DTNBP1: variants seen among roughly 807,000 people sequenced by gnomAD.
DTNBP1 encodes dystrobrevin binding protein 1.
DTNBP1 carries 35 observed loss-of-function variants against 42.8 expected under a neutral mutation model. The ratio of observed to expected loss-of-function variants is 0.82; its 90% CI spans 0.63 to 1.09. The LOEUF (loss-of-function observed/expected upper bound fraction) is 1.09. DTNBP1 is among the 50% of genes least tolerant of loss of function. The pLI, the probability that DTNBP1 is intolerant of heterozygous loss-of-function variation, is 0.00. For synonymous variants in DTNBP1, 171 were observed against 162.2 expected, an observed-to-expected ratio of 1.05 and a Z score of -0.41; for missense variants, 457 against 424.2, an observed-to-expected ratio of 1.08 and a Z score of -0.68.
chr6:15,643,960 C>T (rs1240107259), intron 3 of DTNBP1, among the ~76,000 whole-genome samples: 8 of 152,002 alleles, frequency 5.3e-5, no homozygotes, highest in Non-Finnish European at 1.2e-4. Flanking sequence ...AGGAAACAGC[C>T]TAAATCCTCC....
chr6:15,577,658 T>G (rs1775638822), intron 7 of DTNBP1, among the ~76,000 whole-genome samples: 1 of 152,120 alleles, frequency 6.6e-6, no homozygotes, highest in South Asian at 2.1e-4. Context: ...CAGGTTGAGT[T>G]TAAGATGCCA....
intron 9 of DTNBP1, chr6:15,523,728 G>C: frequency 7.8e-7 from 1 of 1,287,204 alleles, no homozygotes; most frequent in South Asian, 1.2e-5. Context: ...CCCTGACTCT[G>C]GGTGAGGGTT....
rs1257531315 is a variant in DTNBP1 at position 15,529,848 on chromosome 6, C to T, written c.667+3392G>A. ...CCTGGGCTAGGGCCTTACAAAACAT[C>T]TAATTATATCCTAACGGCATGGAGA... On this transcript the variant is annotated intron_variant, in intron 8 of 9. Transcript: ENST00000344537. Among the ~76,000 whole-genome samples the T allele has an allele frequency of 4.8e-4, 73 of 152,264 alleles. 1 individual carries two copies. Among genetic ancestry groups the T allele is most frequent in the Admixed American group, 4.8e-3 (73 of 15,294 alleles).
intron 7 of DTNBP1, chr6:15,586,157 G>T: frequency 1.9e-6 from 1 of 525,530 alleles, no homozygotes; most frequent in Non-Finnish European, 2.5e-6. Flanking sequence ...ATGAAATCTT[G>T]CTGTTTGAAA....
At chr6:15,554,545 C>T (rs768316621) in intron 7 of DTNBP1, among the ~76,000 whole-genome samples, 14 of 152,136 alleles carry the variant, frequency 9.2e-5, no homozygotes, top group Non-Finnish European at 1.6e-4. Flanking sequence ...GTAGGGTGGC[C>T]ATCCTGACAA....
At position 15,607,010 on chromosome 6, in the gene DTNBP1, AT is replaced by A. The variant is rs3045755; in HGVS notation, c.488+8256del. On this transcript the variant is annotated intron_variant, in intron 6 of 9. Coordinates refer to ENST00000344537, the MANE Select transcript of DTNBP1 (RefSeq NM_032122.5). ...TTGTGAAATGCTGAGTCAAAAAAAA[AT>A]TTTTTTTTTTTTTTTTTGAGACAGA... Among the ~76,000 whole-genome samples, 294 of 138,036 alleles carry A rather than the reference AT, an allele frequency of 2.1e-3. 1 individual carries two copies. The highest frequency in any genetic ancestry group is 3.1e-3 in the African/African-American group (112 of 36,580). 90.6% of individuals were successfully genotyped at this position (138,036 alleles called of 152,430 possible).
intron 7 of DTNBP1, among the ~76,000 whole-genome samples, chr6:15,553,850 A>G (rs1170169206): frequency 6.6e-6 from 1 of 152,148 alleles, no homozygotes; most frequent in Non-Finnish European, 1.5e-5. Context: ...AGAAAACTGC[A>G]GAAACAGGAG....
chr6:15,635,453 T>C (rs1170871378), intron 4 of DTNBP1, among the ~76,000 whole-genome samples: 3 of 152,190 alleles, frequency 2.0e-5, no homozygotes, highest in African/African-American at 4.8e-5. Context: ...TGTCTAGGAA[T>C]GGATTATTAT....
At chr6:15,581,868 G>A (rs1005945094) in intron 7 of DTNBP1, among the ~76,000 whole-genome samples, 11 of 152,126 alleles carry the variant, frequency 7.2e-5, no homozygotes, top group African/African-American at 2.7e-4. Context: ...CCTGTCCAAG[G>A]GGGACACAGT....
At chr6:15,549,986 C>A (rs1047363595) in intron 7 of DTNBP1, among the ~76,000 whole-genome samples, 1 of 152,190 alleles carries the variant, frequency 6.6e-6, no homozygotes, top group East Asian at 1.9e-4. Context: ...CTACGCCAAT[C>A]CCACCTCACT....
chr6:15,620,120 A>C (rs1401682208), intron 5 of DTNBP1, among the ~76,000 whole-genome samples: 1 of 152,172 alleles, frequency 6.6e-6, no homozygotes, highest in African/African-American at 2.4e-5. Flanking sequence ...TTATCATATT[A>C]ATATATCACG....
At chr6:15,648,351 C>T (rs909527174) in intron 3 of DTNBP1, among the ~76,000 whole-genome samples, 3 of 152,096 alleles carry the variant, frequency 2.0e-5, no homozygotes, top group Non-Finnish European at 4.4e-5. Flanking sequence ...ACAAGGATGC[C>T]TGCTTTTTCC....
chr6:15,612,606 C>T (rs887228146), intron 6 of DTNBP1, among the ~76,000 whole-genome samples: 1 of 152,170 alleles, frequency 6.6e-6, no homozygotes, highest in African/African-American at 2.4e-5. Context: ...AGCTGGCAGC[C>T]ACTGACAGAG....
At chr6:15,533,172 G>A in intron 8 of DTNBP1, 68 bp downstream of exon 8, 1 of 1,603,284 alleles carries the variant, frequency 6.2e-7, no homozygotes, top group East Asian at 2.2e-5. Context: ...CTGCTCTGGG[G>A]AGAGGGGTCC....
At chr6:15,530,307 C>CT (rs770066710) in intron 8 of DTNBP1, among the ~76,000 whole-genome samples, 8 of 152,164 alleles carry the variant, frequency 5.3e-5, no homozygotes, top group Non-Finnish European at 1.0e-4. Context: ...CCGTGTGTGG[C>CT]TGTCTCTCAG....
intron 7 of DTNBP1, among the ~76,000 whole-genome samples, chr6:15,549,148 T>C (rs1774059264): frequency 6.6e-6 from 1 of 152,066 alleles, no homozygotes; most frequent in Non-Finnish European, 1.5e-5. Context: ...GGTCTCTAAT[T>C]TGAGCATTAC....
intron 7 of DTNBP1, among the ~76,000 whole-genome samples, chr6:15,549,200 C>A (rs550505209): frequency 3.3e-5 from 5 of 152,172 alleles, no homozygotes; most frequent in South Asian, 2.1e-4. Context: ...TTAAAGGGAA[C>A]CTGAGACCGG....
intron 5 of DTNBP1, among the ~76,000 whole-genome samples, chr6:15,618,700 T>G (rs1758862468): frequency 6.6e-6 from 1 of 152,142 alleles, no homozygotes; most frequent in Non-Finnish European, 1.5e-5. Context: ...AACTACCATA[T>G]GACCAGCAGT....
chr6:15,586,760 C>A (rs1387715269), intron 7 of DTNBP1, among the ~76,000 whole-genome samples: 2 of 152,190 alleles, frequency 1.3e-5, no homozygotes, highest in African/African-American at 4.8e-5. Flanking sequence ...CACACACAAA[C>A]CCATGCTGCT....
Sources: gnomAD v4.1 joint callset for allele counts (sites outside exome capture counted in the v4.1 genomes callset) on GRCh38, gnomAD v4.1.1 for gene constraint, MANE v1.5 for transcripts, NCBI Gene and HGNC (gene_info 2026-07-23, HGNC 2026-07-21) for gene names.